The following TRPC4 variants were observed in gnomAD, a reference collection of about 807,000 sequenced individuals.
TRPC4 encodes the protein transient receptor potential cation channel subfamily C member 4, also known as short transient receptor potential channel 4.
A neutral mutation model predicts 99.4 loss-of-function variants in TRPC4; 49 were observed. The ratio of observed to expected loss-of-function variants is 0.49; its 90% CI spans 0.39 to 0.63. TRPC4 has a LOEUF of 0.63. Ranked by LOEUF, TRPC4 falls within the 20% of genes least tolerant of loss-of-function variation. TRPC4 has a pLI of 0.00. For synonymous variants in TRPC4, 454 were observed against 425.9 expected, an observed-to-expected ratio of 1.07 and a Z score of -0.81; for missense variants, 898 against 1,152.9, an observed-to-expected ratio of 0.78 and a Z score of 3.20.
intron 1 of TRPC4, among the ~76,000 whole-genome samples, chr13:37,822,709 T>C (rs1285501678): frequency 6.6e-6 from 1 of 152,104 alleles, no homozygotes; most frequent in African/African-American, 2.4e-5. Flanking sequence ...TTTGCTATTG[T>C]GAATAATGCC....
At chr13:37,854,518 G>T (rs1020539705) in intron 1 of TRPC4, among the ~76,000 whole-genome samples, 2 of 152,024 alleles carry the variant, frequency 1.3e-5, no homozygotes, top group East Asian at 3.9e-4. Context: ...TAAGCACACA[G>T]TAAAACACAG....
intron 1 of TRPC4, among the ~76,000 whole-genome samples, chr13:37,832,314 G>A (rs893479819): frequency 2.0e-5 from 3 of 152,102 alleles, no homozygotes; most frequent in Non-Finnish European, 4.4e-5. Flanking sequence ...GGCTGAGGCG[G>A]GCAGATCATT....
At chr13:37,724,008 T>C (rs2139047682) in intron 3 of TRPC4, among the ~76,000 whole-genome samples, 1 of 152,222 alleles carries the variant, frequency 6.6e-6, no homozygotes, top group African/African-American at 2.4e-5. Flanking sequence ...GAAGCCTCAT[T>C]TATGATAGGA....
chr13:37,847,776 G>T (rs776535657), intron 1 of TRPC4, among the ~76,000 whole-genome samples: 25 of 152,096 alleles, frequency 1.6e-4, no homozygotes, highest in Non-Finnish European at 8.8e-5. Flanking sequence ...CTCATTTATA[G>T]ATGGATAAAG....
At chr13:37,859,769 A>G (rs988035221) in intron 1 of TRPC4, among the ~76,000 whole-genome samples, 5 of 151,478 alleles carry the variant, frequency 3.3e-5, no homozygotes, top group African/African-American at 1.2e-4. Context: ...TGTTGGTACT[A>G]GAAGGAATAG....
At chr13:37,708,105 C>T (rs1954351598) in intron 3 of TRPC4, among the ~76,000 whole-genome samples, 2 of 152,070 alleles carry the variant, frequency 1.3e-5, no homozygotes, top group African/African-American at 4.8e-5. Context: ...AATAGGCCTC[C>T]ATACTTGATA....
At chr13:37,846,781 A>G (rs1392020446) in intron 1 of TRPC4, among the ~76,000 whole-genome samples, 1 of 152,126 alleles carries the variant, frequency 6.6e-6, no homozygotes, top group African/African-American at 2.4e-5. Context: ...TGAATGGATT[A>G]AAAAACAAGA....
intron 2 of TRPC4, among the ~76,000 whole-genome samples, chr13:37,760,152 T>C (rs1302019466): frequency 6.6e-6 from 1 of 151,980 alleles, no homozygotes; most frequent in Non-Finnish European, 1.5e-5. Context: ...TCAGACATTG[T>C]CCTTAGTATT....
chr13:37,684,168 T>A (rs374661653), intron 4 of TRPC4, among the ~76,000 whole-genome samples: 1 of 152,298 alleles, frequency 6.6e-6, no homozygotes, highest in African/African-American at 2.4e-5. Context: ...TCTGAATTTG[T>A]CATAAGAATC....
At chr13:37,807,920 A>T (rs969026727) in intron 1 of TRPC4, among the ~76,000 whole-genome samples, 1 of 152,118 alleles carries the variant, frequency 6.6e-6, no homozygotes, top group African/African-American at 2.4e-5. Flanking sequence ...ACTTATTTTC[A>T]AAAGCAGGTT....
chr13:37,845,005 A>G lies in TRPC4; in HGVS notation c.-28+24590T>C, dbSNP rs577010378. On this transcript the variant is annotated intron_variant, in intron 1 of 10. Transcript: ENST00000379705. ...CTGATCAGAGATGACTGCAGAGCCC[A>G]GCCAGCAGCTCTACTTGATGGCAGA... Among the ~76,000 whole-genome samples the G allele has an allele frequency of 3.9e-5, 6 of 152,334 alleles. No homozygotes were observed. The East Asian group carries it at 1.2e-3, about 30-fold the overall frequency.
At chr13:37,715,923 G>T (rs1179966687) in intron 3 of TRPC4, among the ~76,000 whole-genome samples, 1 of 152,120 alleles carries the variant, frequency 6.6e-6, no homozygotes, top group African/African-American at 2.4e-5. Flanking sequence ...CAGATACAGC[G>T]AAGTGACTCA....
intron 1 of TRPC4, among the ~76,000 whole-genome samples, chr13:37,867,777 A>C (rs902194419): frequency 3.3e-5 from 5 of 152,116 alleles, no homozygotes; most frequent in African/African-American, 1.2e-4. Context: ...CAGATTCCTT[A>C]CCAATTAAAA....
chr13:37,672,010 C>A (rs1952864373), intron 5 of TRPC4, among the ~76,000 whole-genome samples: 1 of 152,112 alleles, frequency 6.6e-6, no homozygotes, highest in South Asian at 2.1e-4. Flanking sequence ...CTCCCTCTGC[C>A]CCCTCCTTTT....
intron 1 of TRPC4, among the ~76,000 whole-genome samples, chr13:37,858,374 A>G (rs1463053711): frequency 1.3e-5 from 2 of 151,676 alleles, no homozygotes; most frequent in African/African-American, 4.8e-5. Context: ...TCAAACAACT[A>G]AAAATGGAGC....
At chr13:37,708,100 G>C (rs1183287390) in intron 3 of TRPC4, among the ~76,000 whole-genome samples, 1 of 151,966 alleles carries the variant, frequency 6.6e-6, no homozygotes, top group East Asian at 1.9e-4. Flanking sequence ...CAGAAAATAG[G>C]CCTCCATACT....
At chr13:37,703,104 GA>G (rs891907777) in intron 3 of TRPC4, among the ~76,000 whole-genome samples, 1 of 152,154 alleles carries the variant, frequency 6.6e-6, no homozygotes, top group Non-Finnish European at 1.5e-5. Context: ...GAAAGCATCT[GA>G]AAGGTGGTAG....
At chr13:37,707,676 A>G (rs1255782338) in intron 3 of TRPC4, among the ~76,000 whole-genome samples, 2 of 152,112 alleles carry the variant, frequency 1.3e-5, no homozygotes, top group African/African-American at 4.8e-5. Flanking sequence ...AGGCAGTCCT[A>G]TAGACAGTAA....
chr13:37,788,710 T>A (rs2139376138), intron 1 of TRPC4, among the ~76,000 whole-genome samples: 1 of 152,218 alleles, frequency 6.6e-6, no homozygotes, highest in East Asian at 1.9e-4. Flanking sequence ...TCACTCTCCC[T>A]ATTCTTATCA....
Sources: allele counts gnomAD v4.1 joint callset (sites outside exome capture counted in the v4.1 genomes callset), GRCh38; gene constraint gnomAD v4.1.1; transcripts MANE v1.5; gene names NCBI Gene and HGNC (gene_info 2026-07-23, HGNC 2026-07-21).